The following WIPI2 variants were observed in gnomAD, a reference collection of about 807,000 sequenced individuals.
WIPI2 encodes the protein WD repeat domain, phosphoinositide interacting 2.
WIPI2 carries 28 observed loss-of-function variants against 52.3 expected under a neutral mutation model. The ratio of observed to expected loss-of-function variants is 0.54; its 90% confidence interval spans 0.40 to 0.73. WIPI2 has a LOEUF of 0.73. Ranked by LOEUF, WIPI2 falls within the 30% of genes least tolerant of loss-of-function variation. The pLI is 0.00. For missense variants in WIPI2, 506 were observed against 602.9 expected (o/e 0.84, Z 1.68); for synonymous variants, 268 against 245.0 (o/e 1.09, Z -0.88).
Position 5,230,468 on chromosome 7 carries a change from C to G in WIPI2, c.1253-367C>G, listed in dbSNP as rs891123916. On this transcript the variant is annotated intron_variant, in intron 12 of 12. Transcript: ENST00000288828. This position sits in a 1 kb window ranked among gnomAD's most constrained non-coding sequence, Gnocchi z 4.8. ...TGTGCCTGCTCGCTGCCACTCCCAT[C>G]TGTGAACCGGCACTTCCAGTTCATG... Among the ~76,000 whole-genome samples the G allele has an allele frequency of 1.3e-5, 2 of 152,246 alleles. No individual in the cohort carries two copies. The highest frequency in any genetic ancestry group is 2.4e-5 in the African/African-American group (1 of 41,468).
rs560418307 is a variant in WIPI2 at position 5,218,714 on chromosome 7, G to A, written c.669+700G>A. ...GGCCTCTAAATGTCCCCGTGTACCTGTGACCGCGTGGCGAGGCTCCCTGGC... is the reference window on the plus strand; with the variant it reads ...GGCCTCTAAATGTCCCCGTGTACCTATGACCGCGTGGCGAGGCTCCCTGGC... On this transcript the variant is annotated intron_variant, in intron 7 of 12. Transcript: ENST00000288828. The A allele has an allele frequency of 2.6e-5, 4 of 152,384 alleles. No homozygotes were observed. The South Asian group carries it at 8.3e-4, about 32-fold the overall frequency. 9.4% of individuals were successfully genotyped at this position (152,384 alleles called of 1,614,324 possible). A position where few individuals can be genotyped will look rare whatever the true frequency, so the allele number is the denominator to read the frequency against.
chr7:5,227,479 CG>C lies in WIPI2; in HGVS notation c.1013+139del. ...GAGCCGACACTCCATCGAGAGTTGT[CG>C]GGGATGGGAGGTCCCCTGGCAGGCA... On this transcript the variant is annotated intron_variant, in intron 10 of 12. Transcript: ENST00000288828. This position sits in a 1 kb window ranked among gnomAD's most constrained non-coding sequence, Gnocchi z 8.1. The C allele has an allele frequency of 1.6e-6, 2 of 1,282,252 alleles. No individual in the cohort carries two copies. Among genetic ancestry groups the C allele is most frequent in the Non-Finnish European group, 2.1e-6 (2 of 953,036 alleles). 79.4% of individuals were successfully genotyped at this position (1,282,252 alleles called of 1,614,324 possible).
intron 2 of WIPI2, among the ~76,000 whole-genome samples, chr7:5,198,742 A>G (rs1183731714): frequency 6.6e-6 from 1 of 152,208 alleles, no homozygotes; most frequent in Non-Finnish European, 1.5e-5. Flanking sequence ...TTAAAGTTTT[A>G]TAGAGTTTGT....
chr7:5,229,403 T>G lies in WIPI2; in HGVS notation c.1122-205T>G, dbSNP rs1583597761. ...GAAATATTGTCTTGTTAGGTATAACTCCCTCTTTAGACTTTCCATGTAAAA... is the reference window on the plus strand; with the variant it reads ...GAAATATTGTCTTGTTAGGTATAACGCCCTCTTTAGACTTTCCATGTAAAA... On this transcript the variant is annotated intron_variant, in intron 11 of 12. Transcript: ENST00000288828. The G allele has an allele frequency of 5.8e-6, 3 of 520,008 alleles. No individual in the cohort carries two copies. The East Asian group carries it at 1.0e-4, about 17-fold the overall frequency. 32.2% of individuals were successfully genotyped at this position (520,008 alleles called of 1,614,324 possible).
chr7:5,225,904 C>A lies in WIPI2; in HGVS notation c.822C>A (p.Ile274=), dbSNP rs186163272. Residue 274 remains isoleucine (I), a synonymous_variant, in exon 9 of 13, where the codon ATC becomes ATA. Transcript: ENST00000288828. ...CCAGCAACACTGAGACCGTGCACAT[C>A]TTCAAACTCGAGACTGTGAAAGAAA... ...SASSNTETVH[I]FKLETVKEKP... 2.5e-6 allele frequency: 4 copies of A among 1,613,962 alleles called. No individual in the cohort carries two copies. The East Asian group carries it at 6.7e-5, about 27-fold the overall frequency.
At chr7:5,228,335 C>G (rs10225429) in intron 11 of WIPI2, 124 bp downstream of exon 11, 1 of 896,144 alleles carries the variant, frequency 1.1e-6, no homozygotes, top group Admixed American at 3.1e-5. Context: ...TCCAGCACAG[C>G]GGCCCATGCC....
chr7:5,190,470 C>T lies in WIPI2; in HGVS notation c.51C>T (p.Phe17=), dbSNP rs1781419846. The part of the protein sequence containing the change: ...SGEAGAGQLL[F]ANFNQDNTEV... Reference sequence around the variant, plus strand: ...AGGCCGGCGCCGGCCAGCTGCTCTTCGCCAACTTCAACCAGGACAACACGT... The same window carrying T: ...AGGCCGGCGCCGGCCAGCTGCTCTTTGCCAACTTCAACCAGGACAACACGT... The change falls in exon 1 of 13, where the codon TTC becomes TTT. Residue 17 remains phenylalanine, a synonymous_variant. Coordinates refer to ENST00000288828, the MANE Select transcript of WIPI2 (RefSeq NM_015610.4). 2.6e-6 allele frequency: 4 copies of T among 1,509,646 alleles called. No homozygotes were observed. Among genetic ancestry groups the T allele is most frequent in the East Asian group, 2.8e-5 (1 of 35,172 alleles). The allele number at this position is 1,509,646 out of a possible 1,614,324, so 93.5% of individuals were successfully genotyped here. A position where few individuals can be genotyped will look rare whatever the true frequency, so the allele number is the denominator to read the frequency against.
rs566138620 is a variant in WIPI2 at position 5,209,840 on chromosome 7, C to T, written c.212-4695C>T. ...CCTGTATTTGAAGACAGAAACTTCC[C>T]TTGCCCATGCATATCCCCCAGCCCC... On this transcript the variant is annotated intron_variant, in intron 3 of 12. Transcript: ENST00000288828. Among the ~76,000 whole-genome samples the T allele has an allele frequency of 1.1e-4, 17 of 152,284 alleles. No homozygotes were observed. In the South Asian group the frequency reaches 3.5e-3, roughly 32 times the overall value.
chr7:5,202,035 A>G (rs757181037), intron 3 of WIPI2, among the ~76,000 whole-genome samples: 8 of 151,944 alleles, frequency 5.3e-5, no homozygotes, highest in African/African-American at 1.7e-4. Flanking sequence ...GCATTTTTCT[A>G]TAGGTGGACT....
At chr7:5,224,046 C>T (rs1315219722) in intron 8 of WIPI2, among the ~76,000 whole-genome samples, 2 of 152,232 alleles carry the variant, frequency 1.3e-5, no homozygotes, top group Admixed American at 6.5e-5. Flanking sequence ...CTGACATCTC[C>T]CACCACACCT....
At chr7:5,221,024 T>C (rs1473479269) in intron 7 of WIPI2, among the ~76,000 whole-genome samples, 8 of 142,776 alleles carry the variant, frequency 5.6e-5, no homozygotes, top group African/African-American at 1.8e-4. Context: ...AGTGCAGTGG[T>C]ATGATCTCGG....
At chr7:5,207,924 C>T (rs973256821) in intron 3 of WIPI2, among the ~76,000 whole-genome samples, 2 of 152,080 alleles carry the variant, frequency 1.3e-5, no homozygotes, top group East Asian at 3.8e-4. Context: ...CACCACCACA[C>T]CTGGCTAATT....
At chr7:5,209,329 A>G (rs889681515) in intron 3 of WIPI2, among the ~76,000 whole-genome samples, 1 of 152,178 alleles carries the variant, frequency 6.6e-6, no homozygotes, top group Non-Finnish European at 1.5e-5. Context: ...CTCGAGCACA[A>G]AGTAAGGAGA....
chr7:5,209,939 G>A lies in WIPI2; in HGVS notation c.212-4596G>A, dbSNP rs541562588. ...TTTTTGGTTTTTTTGGTGGAGTCTCGTTGTGCTGCCCATGCTGGAGTCTGG... is the reference window on the plus strand; with the variant it reads ...TTTTTGGTTTTTTTGGTGGAGTCTCATTGTGCTGCCCATGCTGGAGTCTGG... On this transcript the variant is annotated intron_variant, in intron 3 of 12. Coordinates refer to ENST00000288828, the MANE Select transcript of WIPI2 (RefSeq NM_015610.4). Among the ~76,000 whole-genome samples the A allele has an allele frequency of 5.3e-5, 8 of 151,900 alleles. No individual in the cohort carries two copies. The East Asian group carries it at 5.8e-4, about 11-fold the overall frequency.
Position 5,232,588 on chromosome 7 carries a change from T to G in WIPI2, c.*1641T>G, listed in dbSNP as rs1408624305. 4 of 341,990 alleles carry G rather than the reference T, an allele frequency of 1.2e-5. No homozygotes were observed. In the South Asian group the frequency reaches 6.2e-4, roughly 53 times the overall value. The allele number at this position is 341,990 out of a possible 1,614,324, so 21.2% of individuals were successfully genotyped here. On this transcript the variant is annotated 3_prime_UTR_variant, in exon 13 of 13. Transcript: ENST00000288828. ...ACAGTGGGGACCGCCGAGGCCAGAG[T>G]GGGCTATGCTTGAGCAGGGATGAGA...
intron 3 of WIPI2, among the ~76,000 whole-genome samples, chr7:5,210,523 A>C (rs1782506177): frequency 6.6e-6 from 1 of 152,198 alleles, no homozygotes; most frequent in African/African-American, 2.4e-5. Flanking sequence ...CCCTGGGCCC[A>C]CATCTCTTTG....
In WIPI2 at chr7:5,227,391, C is replaced by G; in HGVS notation, c.1013+47C>G. ...GTCCCCCACCCCGTGTGCCTCAGGCCGAGGGGCCCAGTCCTGGCGGCTTGT... is the reference window on the plus strand; with the variant it reads ...GTCCCCCACCCCGTGTGCCTCAGGCGGAGGGGCCCAGTCCTGGCGGCTTGT... On this transcript the variant is annotated intron_variant, in intron 10 of 12. Transcript: ENST00000288828. The surrounding 1 kb of genome is among the most constrained non-coding windows in gnomAD (Gnocchi z 8.1). The G allele has an allele frequency of 6.3e-7, 1 of 1,598,670 alleles. No homozygotes were observed. Among genetic ancestry groups the G allele is most frequent in the Non-Finnish European group, 8.5e-7 (1 of 1,175,270 alleles).
At chr7:5,214,320 G>A (rs1782704313) in intron 3 of WIPI2, 8 of 1,558,196 alleles carry the variant, frequency 5.1e-6, no homozygotes, top group Non-Finnish European at 6.1e-6. Flanking sequence ...CTCGTGAGGG[G>A]CCATCCTTAG....
At chr7:5,197,118 CAAAAAAA>C (rs869261081) in intron 2 of WIPI2, among the ~76,000 whole-genome samples, 8 of 41,452 alleles carry the variant, frequency 1.9e-4, no homozygotes, top group East Asian at 1.1e-3. Flanking sequence ...TCTCAAAAAA[CAAAAAAA>C]AAAAAAAAAA....
Sources: gnomAD v4.1 joint callset for allele counts (sites outside exome capture counted in the v4.1 genomes callset) on GRCh38, gnomAD v4.1.1 for gene constraint, Gnocchi (gnomAD v3.1) non-coding constraint, MANE v1.5 for transcripts, NCBI Gene and HGNC (gene_info 2026-07-23, HGNC 2026-07-21) for gene names.